The following MEI1 variants were observed in gnomAD, a reference collection of about 807,000 sequenced individuals.
The protein encoded by MEI1 is meiotic double-stranded break formation protein 1.
In MEI1, 103 loss-of-function variants were observed where a neutral mutation model predicts 146.2. That is an observed-to-expected ratio of 0.70 (90% CI 0.60 to 0.83). The LOEUF (loss-of-function observed/expected upper bound fraction) is 0.83, where lower values mean the gene tolerates loss of function less well. MEI1 is among the 40% of genes least tolerant of loss of function. MEI1 has a pLI of 0.00. For missense variants in MEI1, 1,529 were observed against 1,533.0 expected (o/e 1.00, Z 0.04); for synonymous variants, 652 against 628.2 (o/e 1.04, Z -0.57).
intron 11 of MEI1, among the ~76,000 whole-genome samples, chr22:41,741,605 G>A (rs1057274072): frequency 2.0e-5 from 3 of 152,192 alleles, no homozygotes; most frequent in Admixed American, 6.5e-5. Context: ...CAGTCTCTGC[G>A]TATAGTCTCA....
In MEI1 at chr22:41,714,046, C is replaced by T. The variant is rs535628064; in HGVS notation, c.394C>T (p.Arg132Cys). The part of the protein sequence containing the change: ...TTQLKLEQTI[R>C]CLLDECHKEL... ...GCAGCTGAAGCTGGAGCAGACTATC[C>T]GTTGCCTGCTGGATGAGTGCCACAA... Residue 132 changes from arginine to cysteine, a missense_variant, in exon 4 of 31, where the codon CGT becomes TGT. This residue lies in a region of MEI1 where 1,212 missense variants were observed against 1,178.9 expected (regional missense o/e 1.03). Transcript: ENST00000401548. The T allele has an allele frequency of 2.5e-5, 40 of 1,600,494 alleles. No individual in the cohort carries two copies. The highest frequency in any genetic ancestry group is 8.7e-5 in the Admixed American group (5 of 57,794).
intron 9 of MEI1, 30 bp from the exon 10 acceptor site, chr22:41,732,215 C>T (rs751861608): frequency 6.4e-7 from 1 of 1,553,404 alleles, no homozygotes; most frequent in Non-Finnish European, 8.8e-7. Flanking sequence ...AGCACTGATC[C>T]CTGGCCTCTG....
intron 7 of MEI1, among the ~76,000 whole-genome samples, chr22:41,725,795 C>G (rs2071284833): frequency 6.6e-6 from 1 of 152,222 alleles, no homozygotes; most frequent in Non-Finnish European, 1.5e-5. Flanking sequence ...TGTCACCGTG[C>G]TTACCTCATA....
At chr22:41,789,060 T>C (rs1344367282) in intron 26 of MEI1, among the ~76,000 whole-genome samples, 1 of 152,162 alleles carries the variant, frequency 6.6e-6, no homozygotes, top group Non-Finnish European at 1.5e-5. Flanking sequence ...ATGCCTGTAA[T>C]CTCAGCACTT....
intron 1 of MEI1, 26 bp from the exon 2 acceptor site, chr22:41,703,305 G>T: frequency 6.2e-7 from 1 of 1,607,582 alleles, no homozygotes; most frequent in South Asian, 1.1e-5. Flanking sequence ...GGTTGCTATT[G>T]AATGTTTTTC....
intron 26 of MEI1, among the ~76,000 whole-genome samples, chr22:41,790,408 T>C (rs1272221046): frequency 6.6e-6 from 1 of 152,154 alleles, no homozygotes; most frequent in Non-Finnish European, 1.5e-5. Context: ...TTTATTCATT[T>C]CTTCATTCAT....
At chr22:41,743,637 A>C (rs1398793099) in intron 12 of MEI1, among the ~76,000 whole-genome samples, 1 of 152,220 alleles carries the variant, frequency 6.6e-6, no homozygotes, top group Admixed American at 6.5e-5. Context: ...CTGTAGACTT[A>C]AGATATCAGG....
At chr22:41,772,273 GTGCA>G (rs1315662632) in intron 20 of MEI1, among the ~76,000 whole-genome samples, 1 of 151,986 alleles carries the variant, frequency 6.6e-6, no homozygotes, top group East Asian at 1.9e-4. Context: ...CCAGGCTAGA[GTGCA>G]GTGGCAGGAT....
chr22:41,729,372 T>C (rs2071656677), intron 7 of MEI1, among the ~76,000 whole-genome samples: 2 of 152,170 alleles, frequency 1.3e-5, no homozygotes, highest in Admixed American at 6.5e-5. Flanking sequence ...TTGAAAGTAC[T>C]TTTGTTAATG....
intron 11 of MEI1, among the ~76,000 whole-genome samples, chr22:41,736,654 C>G (rs1238853362): frequency 6.6e-6 from 1 of 152,112 alleles, no homozygotes; most frequent in Non-Finnish European, 1.5e-5. Context: ...TTTGACCTCT[C>G]AAAGTACTGG....
chr22:41,703,710 G>A (rs377185935), intron 2 of MEI1, among the ~76,000 whole-genome samples: 4 of 152,160 alleles, frequency 2.6e-5, no homozygotes, highest in African/African-American at 7.2e-5. Context: ...TTGGCCGGGC[G>A]TGGTGGCTCA....
intron 19 of MEI1, among the ~76,000 whole-genome samples, chr22:41,763,652 G>T (rs1457173255): frequency 8.6e-5 from 13 of 151,996 alleles, no homozygotes; most frequent in Admixed American, 8.5e-4. Context: ...GAGTGCAATG[G>T]TGTGATTTCG....
intron 3 of MEI1, among the ~76,000 whole-genome samples, chr22:41,710,613 AG>A (rs1277403445): frequency 6.6e-6 from 1 of 152,220 alleles, no homozygotes; most frequent in Non-Finnish European, 1.5e-5. Flanking sequence ...TCCAGCTGAT[AG>A]AGTATGGGAT....
chr22:41,780,619 C>G (rs570442872), intron 22 of MEI1, among the ~76,000 whole-genome samples: 2 of 140,368 alleles, frequency 1.4e-5, no homozygotes, highest in East Asian at 4.1e-4. Flanking sequence ...CTCACTCTGT[C>G]ACCCAGGTTG....
At chr22:41,749,392 C>G (rs538278475) in intron 15 of MEI1, among the ~76,000 whole-genome samples, 3 of 152,078 alleles carry the variant, frequency 2.0e-5, no homozygotes, top group Non-Finnish European at 4.4e-5. Context: ...TCTCCTGAGT[C>G]AGCCTTCCAA....
In MEI1 at chr22:41,709,291, A is replaced by T; in HGVS notation, c.349+3737A>T. On this transcript the variant is annotated intron_variant, in intron 3 of 30. Coordinates refer to ENST00000401548, the MANE Select transcript of MEI1 (RefSeq NM_152513.4). ...TGGCATCTCCATTTTCTGCAGGGTT[A>T]TTCCCTTCCTTGCCAGCATCCACTT... 3.7e-6 allele frequency: 3 copies of T among 818,998 alleles called. No individual in the cohort carries two copies. The South Asian group carries it at 4.0e-5, about 11-fold the overall frequency. 50.7% of individuals were successfully genotyped at this position (818,998 alleles called of 1,614,324 possible). A position where few individuals can be genotyped will look rare whatever the true frequency, so the allele number is the denominator to read the frequency against.
At position 41,748,103 on chromosome 22, in the gene MEI1, G is replaced by A. The variant is rs758113529; in HGVS notation, c.1681-4G>A. On this transcript the variant is annotated splice_polypyrimidine_tract_variant and splice_region_variant and intron_variant, in intron 14 of 30. Transcript: ENST00000401548. ...GCTGTGTTCTCTCTCCTGGTTCTTT[G>A]CAGAGACACTTGGAGCAGACCACCC... is the stretch of plus-strand genomic sequence containing the variant. The A allele has an allele frequency of 6.2e-6, 10 of 1,608,082 alleles. No individual in the cohort carries two copies. The African/African-American group carries it at 1.3e-4, about 22-fold the overall frequency.
At chr22:41,733,004 C>T (rs540646377) in intron 11 of MEI1, among the ~76,000 whole-genome samples, 6 of 152,076 alleles carry the variant, frequency 3.9e-5, no homozygotes, top group South Asian at 4.2e-4. Flanking sequence ...TGGTCTCGAA[C>T]GCCTGACCTC....
intron 14 of MEI1, among the ~76,000 whole-genome samples, chr22:41,746,243 GTAA>G (rs1306223514): frequency 6.6e-6 from 1 of 152,192 alleles, no homozygotes; most frequent in Non-Finnish European, 1.5e-5. Flanking sequence ...ATAGAAAGCA[GTAA>G]TAATAAAATA....
Sources: gnomAD v4.1 joint callset for allele counts (sites outside exome capture counted in the v4.1 genomes callset) on GRCh38, gnomAD v4.1.1 for gene constraint, gnomAD v4.1.1 regional missense constraint, MANE v1.5 for transcripts, NCBI Gene and HGNC (gene_info 2026-07-23, HGNC 2026-07-21) for gene names.